DACH2: variants seen among roughly 807,000 people sequenced by gnomAD.
The protein encoded by DACH2 is dachshund family transcription factor 2, also known as dachshund homolog 2.
In DACH2, 17 loss-of-function variants were observed where a neutral mutation model predicts 35.8. The observed-to-expected ratio is 0.48, with a 90% CI of 0.33 to 0.71. The LOEUF (loss-of-function observed/expected upper bound fraction) is 0.71, where lower values mean the gene tolerates loss of function less well. DACH2 is among the 30% of genes least tolerant of loss of function. The pLI is 0.02. For missense variants in DACH2, 469 were observed against 472.7 expected (o/e 0.99, Z 0.07); for synonymous variants, 195 against 177.3 (o/e 1.10, Z -0.79).
intron 3 of DACH2, among the ~76,000 whole-genome samples, chrX:86,582,385 C>CAAAAATA (rs967398231): frequency 9.2e-6 from 1 of 108,957 alleles, no homozygotes; most frequent in Non-Finnish European, 1.9e-5. Context: ...AATTAAAATG[C>CAAAAATA]AAAAATAAAA....
At chrX:86,664,486 G>A (rs1209736518) in intron 4 of DACH2, among the ~76,000 whole-genome samples, 2 of 111,314 alleles carry the variant, frequency 1.8e-5, no homozygotes, top group Non-Finnish European at 3.8e-5. Flanking sequence ...ACCTGCCATG[G>A]AGTTTTCTTA....
intron 2 of DACH2, among the ~76,000 whole-genome samples, chrX:86,445,411 T>C (rs937666352): frequency 1.4e-4 from 13 of 93,017 alleles, no homozygotes; most frequent in Non-Finnish European, 2.3e-4. Context: ...TAATGCTAGA[T>C]GACACGTTAG....
chrX:86,372,314 C>A (rs2035899708), intron 1 of DACH2, among the ~76,000 whole-genome samples: 1 of 110,749 alleles, frequency 9.0e-6, no homozygotes, highest in Admixed American at 9.7e-5. Flanking sequence ...ACTCTTAGTG[C>A]ACCTTCAGTC....
chrX:86,639,986 G>A (rs1187467274), intron 3 of DACH2, among the ~76,000 whole-genome samples: 2 of 111,482 alleles, frequency 1.8e-5, no homozygotes, highest in African/African-American at 3.3e-5. Context: ...ATCTCCCAGA[G>A]GGAGGGACAG....
chrX:86,395,023 G>A (rs1447935684), intron 2 of DACH2, among the ~76,000 whole-genome samples: 2 of 111,580 alleles, frequency 1.8e-5, no homozygotes, highest in Middle Eastern at 4.2e-3. Context: ...CGATGTGTTT[G>A]GAACTGCCAT....
At chrX:86,535,998 T>C (rs1465135518) in intron 3 of DACH2, among the ~76,000 whole-genome samples, 1 of 110,807 alleles carries the variant, frequency 9.0e-6, no homozygotes, top group Non-Finnish European at 1.9e-5. Context: ...TAAATTGTGT[T>C]ACAAGGAACT....
chrX:86,479,694 A>G (rs184099347), intron 2 of DACH2, among the ~76,000 whole-genome samples: 33 of 111,814 alleles, frequency 3.0e-4, no homozygotes, highest in African/African-American at 9.4e-4. Flanking sequence ...GTAACTATGT[A>G]TTTCAATTGG....
At chrX:86,750,908 C>A (rs945129999) in intron 7 of DACH2, among the ~76,000 whole-genome samples, 2 of 111,498 alleles carry the variant, frequency 1.8e-5, no homozygotes. Context: ...TGTTGGTGTA[C>A]AAATATCAGT....
At chrX:86,385,319 G>A (rs760595373) in intron 2 of DACH2, among the ~76,000 whole-genome samples, 2 of 111,511 alleles carry the variant, frequency 1.8e-5, no homozygotes, top group East Asian at 5.7e-4. Context: ...AGAACATTAA[G>A]TGAAGGGATT....
intron 5 of DACH2, among the ~76,000 whole-genome samples, chrX:86,702,369 T>C (rs1011300898): frequency 9.0e-6 from 1 of 110,810 alleles, no homozygotes; most frequent in Non-Finnish European, 1.9e-5. Context: ...CTCAAGGAAC[T>C]AGAGCAACTA....
At chrX:86,424,571 G>A (rs146451415) in intron 2 of DACH2, among the ~76,000 whole-genome samples, 1,477 of 111,448 alleles carry the variant, frequency 0.013, 19 homozygotes, top group Non-Finnish European at 0.022. Context: ...AGTTCAAATA[G>A]TTTTCTTTTG....
At chrX:86,270,582 C>G (rs1230878001) in intron 1 of DACH2, among the ~76,000 whole-genome samples, 1 of 111,929 alleles carries the variant, frequency 8.9e-6, no homozygotes, top group African/African-American at 3.2e-5. Flanking sequence ...TTTTTAAAAG[C>G]TTTATGAGGT....
At chrX:86,682,991 T>G (rs187329186) in intron 4 of DACH2, among the ~76,000 whole-genome samples, 175 of 111,652 alleles carry the variant, frequency 1.6e-3, no homozygotes, top group African/African-American at 5.2e-3. Flanking sequence ...GTATTTCAAT[T>G]TGTCATATTT....
At chrX:86,221,142 T>G (rs761305458) in intron 1 of DACH2, among the ~76,000 whole-genome samples, 2 of 111,530 alleles carry the variant, frequency 1.8e-5, no homozygotes, top group Non-Finnish European at 3.8e-5. Flanking sequence ...CCAAGACCAA[T>G]TCCATGATGC....
chrX:86,709,718 A>T (rs1268022213), intron 5 of DACH2, among the ~76,000 whole-genome samples: 4 of 112,290 alleles, frequency 3.6e-5, no homozygotes, highest in Non-Finnish European at 5.6e-5. Context: ...CAACCAAATT[A>T]AAAAGTGGAC....
intron 2 of DACH2, among the ~76,000 whole-genome samples, chrX:86,429,039 G>T (rs2148167659): frequency 9.0e-6 from 1 of 111,140 alleles, no homozygotes; most frequent in South Asian, 3.8e-4. Context: ...TTCACGACCA[G>T]ATCTACCCTG....
chrX:86,284,690 T>A (rs757209254), intron 1 of DACH2, among the ~76,000 whole-genome samples: 2 of 111,524 alleles, frequency 1.8e-5, no homozygotes, highest in Admixed American at 1.9e-4. Context: ...TAGTTCTTCT[T>A]TAAATGTTTT....
intron 1 of DACH2, among the ~76,000 whole-genome samples, chrX:86,262,198 G>T (rs954472214): frequency 2.2e-4 from 24 of 110,534 alleles, no homozygotes; most frequent in Non-Finnish European, 4.0e-4. Flanking sequence ...CTGAGGCAGA[G>T]TATTGCTTGA....
intron 1 of DACH2, among the ~76,000 whole-genome samples, chrX:86,165,035 C>T: frequency 9.0e-6 from 1 of 110,851 alleles, no homozygotes; most frequent in Non-Finnish European, 1.9e-5. Flanking sequence ...GGCATTGTGG[C>T]CATTTTAATG....
Sources: allele counts gnomAD v4.1 joint callset (sites outside exome capture counted in the v4.1 genomes callset), GRCh38; gene constraint gnomAD v4.1.1; transcripts MANE v1.5; gene names NCBI Gene and HGNC (gene_info 2026-07-23, HGNC 2026-07-21).